Variants in GPC5 observed in about 807,000 individuals in gnomAD.
The protein encoded by GPC5 is glypican-5.
GPC5 carries 47 observed loss-of-function variants against 53.9 expected under a neutral mutation model. The observed-to-expected ratio is 0.87, with a 90% CI of 0.69 to 1.11. The LOEUF (loss-of-function observed/expected upper bound fraction) is 1.11. Among genes scored for constraint, GPC5 ranks in the 50% most tolerant of loss-of-function variants. GPC5 has a pLI of 0.00. For synonymous variants in GPC5, 286 were observed against 263.3 expected, an observed-to-expected ratio of 1.09 and a Z score of -0.84; for missense variants, 748 against 713.1, an observed-to-expected ratio of 1.05 and a Z score of -0.56.
At chr13:91,541,682 T>C (rs897585738) in intron 2 of GPC5, among the ~76,000 whole-genome samples, 6 of 152,112 alleles carry the variant, frequency 3.9e-5, no homozygotes, top group Non-Finnish European at 5.9e-5. Context: ...TAAATTCATG[T>C]ACTGGTCATG....
intron 7 of GPC5, among the ~76,000 whole-genome samples, chr13:92,795,104 T>C (rs1876619071): frequency 1.3e-5 from 2 of 152,068 alleles, no homozygotes; most frequent in South Asian, 4.1e-4. Flanking sequence ...AGAACAAAGC[T>C]GGAGGCATCA....
At chr13:92,759,472 A>T (rs1456213323) in intron 7 of GPC5, among the ~76,000 whole-genome samples, 1 of 151,736 alleles carries the variant, frequency 6.6e-6, no homozygotes, top group Non-Finnish European at 1.5e-5. Context: ...ATTATGTTTT[A>T]TACTATGATA....
intron 7 of GPC5, among the ~76,000 whole-genome samples, chr13:92,816,636 CA>C (rs1234552349): frequency 3.3e-5 from 5 of 152,038 alleles, no homozygotes; most frequent in African/African-American, 1.2e-4. Flanking sequence ...GGTTTGGTTT[CA>C]AAAACTAGAA....
intron 2 of GPC5, among the ~76,000 whole-genome samples, chr13:91,543,697 T>A (rs1168043172): frequency 1.3e-5 from 2 of 152,236 alleles, no homozygotes; most frequent in Non-Finnish European, 2.9e-5. Context: ...CAGGTTGAAA[T>A]GAAGGTCTGA....
At chr13:92,352,026 G>A (rs2043482302) in intron 7 of GPC5, among the ~76,000 whole-genome samples, 1 of 152,116 alleles carries the variant, frequency 6.6e-6, no homozygotes. Flanking sequence ...AAGAAAAGAA[G>A]TGATGAGATA....
chr13:92,626,347 C>T (rs1885044561), intron 7 of GPC5, among the ~76,000 whole-genome samples: 1 of 152,024 alleles, frequency 6.6e-6, no homozygotes, highest in Admixed American at 6.6e-5. Flanking sequence ...TGGGGAGGCT[C>T]TTGACTTGGC....
At chr13:91,921,525 TG>T (rs2039714521) in intron 6 of GPC5, among the ~76,000 whole-genome samples, 3 of 152,028 alleles carry the variant, frequency 2.0e-5, no homozygotes, top group African/African-American at 7.2e-5. Context: ...ACTATGCAAA[TG>T]GATAGATACT....
At chr13:92,499,960 G>A (rs1207115787) in intron 7 of GPC5, among the ~76,000 whole-genome samples, 1 of 152,126 alleles carries the variant, frequency 6.6e-6, no homozygotes, top group Non-Finnish European at 1.5e-5. Flanking sequence ...AATGCATAGA[G>A]CATCTCTTTG....
intron 7 of GPC5, among the ~76,000 whole-genome samples, chr13:92,325,281 A>T (rs557116540): frequency 1.3e-5 from 2 of 152,180 alleles, no homozygotes; most frequent in African/African-American, 4.8e-5. Context: ...AAGTGAAGGG[A>T]CAGTCAATGC....
intron 7 of GPC5, among the ~76,000 whole-genome samples, chr13:92,672,011 T>C (rs1886770046): frequency 6.6e-6 from 1 of 152,150 alleles, no homozygotes; most frequent in Non-Finnish European, 1.5e-5. Context: ...TGACTGACTC[T>C]AGTAGTGAAT....
chr13:91,597,086 A>G lies in GPC5; in HGVS notation c.326-96101A>G, dbSNP rs1566539417. 3.3e-5 allele frequency among the ~76,000 whole-genome samples: 5 copies of G among 152,312 alleles called. No individual in the cohort carries two copies. In the South Asian group the frequency reaches 8.3e-4, roughly 25 times the overall value. On this transcript the variant is annotated intron_variant, in intron 2 of 7. Transcript: ENST00000377067. ...GCCTGGAAACTCTCTCAAAGCAGTA[A>G]ACTTGGGTAATTGTAAGACTCCAAT...
At chr13:92,216,934 G>A (rs776516967) in intron 7 of GPC5, among the ~76,000 whole-genome samples, 3 of 148,126 alleles carry the variant, frequency 2.0e-5, no homozygotes, top group Non-Finnish European at 1.5e-5. Flanking sequence ...AGCTGAGATC[G>A]CACTACTGGG....
At chr13:91,869,152 T>C (rs1406630546) in intron 5 of GPC5, among the ~76,000 whole-genome samples, 1 of 151,872 alleles carries the variant, frequency 6.6e-6, no homozygotes, top group Non-Finnish European at 1.5e-5. Flanking sequence ...CTCTGCCCCC[T>C]GGGTTCAAGT....
At chr13:92,124,907 T>C (rs1482683548) in intron 6 of GPC5, among the ~76,000 whole-genome samples, 2 of 152,208 alleles carry the variant, frequency 1.3e-5, no homozygotes, top group Admixed American at 1.3e-4. Flanking sequence ...GTATCTTGTG[T>C]TATCTCCCCT....
At chr13:92,374,079 T>C (rs2043672995) in intron 7 of GPC5, among the ~76,000 whole-genome samples, 1 of 152,186 alleles carries the variant, frequency 6.6e-6, no homozygotes, top group African/African-American at 2.4e-5. Flanking sequence ...AACTTTATTT[T>C]ATTAACTCTC....
intron 7 of GPC5, among the ~76,000 whole-genome samples, chr13:92,797,019 C>G (rs1456773686): frequency 1.4e-4 from 22 of 151,946 alleles, no homozygotes; most frequent in Admixed American, 1.4e-3. Flanking sequence ...TCTGAGACCA[C>G]AAAACTCACA....
At chr13:92,815,994 G>A (rs1566430483) in intron 7 of GPC5, among the ~76,000 whole-genome samples, 1 of 151,850 alleles carries the variant, frequency 6.6e-6, no homozygotes, top group Non-Finnish European at 1.5e-5. Flanking sequence ...TAAAACCCTA[G>A]GGTTCTGGGG....
intron 5 of GPC5, among the ~76,000 whole-genome samples, chr13:91,826,848 C>T (rs540738066): frequency 1.3e-5 from 2 of 151,784 alleles, no homozygotes; most frequent in East Asian, 3.9e-4. Context: ...CATGTCACAC[C>T]ATACAAATCA....
chr13:91,712,892 A>G (rs1334001866), intron 3 of GPC5, among the ~76,000 whole-genome samples: 2 of 149,258 alleles, frequency 1.3e-5, no homozygotes, highest in Non-Finnish European at 3.0e-5. Context: ...GAATACAAAC[A>G]AAAATAAAAA....
Sources: allele counts gnomAD v4.1 joint callset (sites outside exome capture counted in the v4.1 genomes callset), GRCh38; gene constraint gnomAD v4.1.1; transcripts MANE v1.5; gene names NCBI Gene and HGNC (gene_info 2026-07-23, HGNC 2026-07-21).